Variants in MOB3B observed in about 807,000 individuals in gnomAD.
MOB3B encodes the protein MOB kinase activator-like 2B.
In MOB3B, 7 loss-of-function variants were observed where a neutral mutation model predicts 18.7. The observed-to-expected ratio is 0.37, with a 90% CI of 0.21 to 0.70. The LOEUF (loss-of-function observed/expected upper bound fraction) is 0.70. MOB3B is among the 30% of genes least tolerant of loss of function. The pLI is 0.52. For missense variants in MOB3B, 253 were observed against 281.3 expected (o/e 0.90, Z 0.72); for synonymous variants, 111 against 99.9 (o/e 1.11, Z -0.66).
At position 27,359,111 on chromosome 9, in the gene MOB3B, C is replaced by T; in HGVS notation, c.544G>A (p.Val182Ile). 1.9e-6 allele frequency: 3 copies of T among 1,614,124 alleles called. No homozygotes were observed. Among genetic ancestry groups the T allele is most frequent in the Non-Finnish European group, 2.5e-6 (3 of 1,180,014 alleles). Residue 182 changes from valine (V) to isoleucine (I), a missense_variant, in exon 3 of 4, where the codon GTC becomes ATC. Coordinates refer to ENST00000262244, the MANE Select transcript of MOB3B (RefSeq NM_024761.5). ...RVIVMGAEAH[V>I]NTCYKHFYYF... ...TAGAAGTGTTTGTAGCAGGTGTTGA[C>T]ATGGGCCTCTGCACCCATCACAATG...
chr9:27,512,041 A>G lies in MOB3B; in HGVS notation c.-199+17514T>C, dbSNP rs149524006. 1.8e-4 allele frequency among the ~76,000 whole-genome samples: 27 copies of G among 152,198 alleles called. No homozygotes were observed. The East Asian group carries it at 3.9e-3, about 22-fold the overall frequency. ...GCCTAACCATATAACCTTCCCATGCACACTCCTCCATGCTCCTGCCCCTTT... is the reference window on the plus strand; with the variant it reads ...GCCTAACCATATAACCTTCCCATGCGCACTCCTCCATGCTCCTGCCCCTTT... On this transcript the variant is annotated intron_variant, in intron 1 of 3. Transcript: ENST00000262244.
chr9:27,342,299 A>G (rs1820954430), intron 3 of MOB3B, among the ~76,000 whole-genome samples: 2 of 152,186 alleles, frequency 1.3e-5, no homozygotes, highest in Admixed American at 6.5e-5. Flanking sequence ...ATAGTCCAAT[A>G]TTTATTTAAT....
chr9:27,479,237 G>A (rs1819609111), intron 1 of MOB3B, among the ~76,000 whole-genome samples: 2 of 152,150 alleles, frequency 1.3e-5, no homozygotes, highest in Non-Finnish European at 2.9e-5. Flanking sequence ...AAGAGAGAGA[G>A]AGGGAAGGAG....
chr9:27,416,974 C>T (rs764355749), intron 2 of MOB3B, among the ~76,000 whole-genome samples: 1 of 152,054 alleles, frequency 6.6e-6, no homozygotes, highest in Non-Finnish European at 1.5e-5. Flanking sequence ...AACTGGTGTG[C>T]GATTGAAGGG....
At chr9:27,472,987 C>T (rs901069318) in intron 1 of MOB3B, among the ~76,000 whole-genome samples, 3 of 152,192 alleles carry the variant, frequency 2.0e-5, no homozygotes, top group East Asian at 1.9e-4. Flanking sequence ...AGATACAAAC[C>T]ATTTGCAAAC....
At chr9:27,342,318 A>T (rs1730798576) in intron 3 of MOB3B, among the ~76,000 whole-genome samples, 1 of 152,242 alleles carries the variant, frequency 6.6e-6, no homozygotes, top group Non-Finnish European at 1.5e-5. Flanking sequence ...ATCTATAAAT[A>T]GTCCAGTCTT....
intron 2 of MOB3B, among the ~76,000 whole-genome samples, chr9:27,390,532 C>G (rs903516152): frequency 2.6e-5 from 4 of 152,202 alleles, no homozygotes; most frequent in Non-Finnish European, 4.4e-5. Flanking sequence ...GTACCAGACA[C>G]TGCTAACATT....
At chr9:27,356,392 A>G (rs190174540) in intron 3 of MOB3B, among the ~76,000 whole-genome samples, 41 of 152,248 alleles carry the variant, frequency 2.7e-4, no homozygotes, top group Non-Finnish European at 4.9e-4. Flanking sequence ...TGTCTAGGAT[A>G]TTGACATGTT....
chr9:27,359,038 G>A lies in MOB3B; in HGVS notation c.617C>T (p.Pro206Leu). 6.2e-7 allele frequency: 1 copy of A among 1,614,134 alleles called. No individual in the cohort carries two copies. Among genetic ancestry groups the A allele is most frequent in the Middle Eastern group, 1.6e-4 (1 of 6,062 alleles). ...TTATTTCATGGTGTCACTTACCAAA[G>A]GCTCTAGCTCCTTGCGGTCTATGAG... is the stretch of plus-strand genomic sequence containing the variant. Reference protein sequence around the residue: ...MNLIDRKELEPLKEMTSRMCH With the variant: ...MNLIDRKELELLKEMTSRMCH Residue 206 changes from proline to leucine, a missense_variant, in exon 3 of 4, where the codon CCT (proline) becomes CTT (leucine). Coordinates refer to ENST00000262244, the MANE Select transcript of MOB3B (RefSeq NM_024761.5).
At chr9:27,407,635 G>A (rs536094353) in intron 2 of MOB3B, among the ~76,000 whole-genome samples, 4 of 152,222 alleles carry the variant, frequency 2.6e-5, no homozygotes, top group East Asian at 1.9e-4. Context: ...GCTTCCACCA[G>A]GCCAGCTTCC....
intron 1 of MOB3B, among the ~76,000 whole-genome samples, chr9:27,477,460 T>C (rs1819571582): frequency 6.6e-6 from 1 of 152,236 alleles, no homozygotes; most frequent in Non-Finnish European, 1.5e-5. Flanking sequence ...TTTTACTATA[T>C]GTTTTACTTA....
At position 27,440,714 on chromosome 9, in the gene MOB3B, G is replaced by A. The variant is rs140064119; in HGVS notation, c.418+14419C>T. Among the ~76,000 whole-genome samples the A allele has an allele frequency of 7.6e-4, 112 of 147,836 alleles. 3 individuals carry two copies. The East Asian group carries it at 0.021, about 28-fold the overall frequency. On this transcript the variant is annotated intron_variant, in intron 2 of 3. Coordinates refer to ENST00000262244, the MANE Select transcript of MOB3B (RefSeq NM_024761.5). ...TAGGTTAGGGTGAACATAGTGCTAA[G>A]GAAATCAGAAGATTCATTTTTTTTT...
intron 2 of MOB3B, among the ~76,000 whole-genome samples, chr9:27,435,693 G>C (rs1304550029): frequency 1.3e-5 from 2 of 152,136 alleles, no homozygotes; most frequent in Admixed American, 1.3e-4. Flanking sequence ...TCCACCTCCT[G>C]AGTTCAAGTG....
chr9:27,394,342 G>T (rs1019192799), intron 2 of MOB3B: 3 of 152,018 alleles, frequency 2.0e-5, no homozygotes, highest in African/African-American at 7.3e-5. Context: ...CTACCACCAA[G>T]AGCTAATAAA....
At chr9:27,454,023 G>A (rs949480338) in intron 2 of MOB3B, among the ~76,000 whole-genome samples, 1 of 152,146 alleles carries the variant, frequency 6.6e-6, no homozygotes, top group Non-Finnish European at 1.5e-5. Flanking sequence ...AGAAGTATGA[G>A]GGAACTGGAC....
At chr9:27,477,439 G>C (rs1160243583) in intron 1 of MOB3B, among the ~76,000 whole-genome samples, 3 of 152,028 alleles carry the variant, frequency 2.0e-5, no homozygotes, top group Non-Finnish European at 4.4e-5. Context: ...TTTCTTCATC[G>C]CTCCAGCTGA....
chr9:27,496,854 G>C (rs1195750849), intron 1 of MOB3B, among the ~76,000 whole-genome samples: 1 of 152,072 alleles, frequency 6.6e-6, no homozygotes, highest in Non-Finnish European at 1.5e-5. Context: ...TGGTCCCAAG[G>C]GTTCCCAAAG....
chr9:27,441,723 T>C (rs1348411680), intron 2 of MOB3B, among the ~76,000 whole-genome samples: 1 of 152,144 alleles, frequency 6.6e-6, no homozygotes, highest in Non-Finnish European at 1.5e-5. Context: ...ATCAGAACCA[T>C]AGATAAAGGG....
intron 2 of MOB3B, among the ~76,000 whole-genome samples, chr9:27,366,056 C>G (rs73643200): frequency 6.6e-6 from 1 of 152,126 alleles, no homozygotes; most frequent in Non-Finnish European, 1.5e-5. Flanking sequence ...GGCCAGGGTG[C>G]TGGGGTGAGG....
Sources: gnomAD v4.1 joint callset for allele counts (sites outside exome capture counted in the v4.1 genomes callset) on GRCh38, gnomAD v4.1.1 for gene constraint, MANE v1.5 for transcripts, NCBI Gene and HGNC (gene_info 2026-07-23, HGNC 2026-07-21) for gene names.